The following RAB1A variants were observed in gnomAD, a reference collection of about 807,000 sequenced individuals.
RAB1A encodes ras-related protein Rab-1A.
In RAB1A, 2 loss-of-function variants were observed where a neutral mutation model predicts 26.0. That is an observed-to-expected ratio of 0.08 (90% confidence interval 0.03 to 0.24). The LOEUF (loss-of-function observed/expected upper bound fraction) is 0.24. Ranked by LOEUF, RAB1A falls within the 10% of genes least tolerant of loss-of-function variation. The pLI, the probability that RAB1A is intolerant of heterozygous loss-of-function variation, is 1.00. For synonymous variants in RAB1A, 84 were observed against 84.9 expected (o/e 0.99, Z 0.06); for missense variants, 100 against 247.0 (o/e 0.40, Z 3.99).
chr2:65,129,924 A>AGCTGCC lies in RAB1A; in HGVS notation c.-15_-10dup, dbSNP rs1558591660. ...GGATTCATGCTGGACATGTCACTGC[A>AGCTGCC]GCTGCCGCCGCCGCCACCGCCGCCC... On this transcript the variant is annotated 5_prime_UTR_variant, in exon 1 of 6. Transcript: ENST00000409784. 1.3e-6 allele frequency: 2 copies of AGCTGCC among 1,586,476 alleles called. No homozygotes were observed. Among genetic ancestry groups the AGCTGCC allele is most frequent in the African/African-American group, 1.4e-5 (1 of 73,584 alleles).
chr2:65,100,377 G>A (rs1477719939), intron 2 of RAB1A, among the ~76,000 whole-genome samples: 2 of 144,398 alleles, frequency 1.4e-5, no homozygotes, highest in East Asian at 4.0e-4. Context: ...CTCCAGCCCA[G>A]GCGACAAGGC....
intron 3 of RAB1A, among the ~76,000 whole-genome samples, chr2:65,095,941 C>A (rs1669272649): frequency 6.6e-6 from 1 of 152,024 alleles, no homozygotes; most frequent in Non-Finnish European, 1.5e-5. Flanking sequence ...ATCACGAGGT[C>A]AGGAGTTCGA....
chr2:65,117,101 T>C (rs12467928), intron 1 of RAB1A, among the ~76,000 whole-genome samples: 2 of 143,730 alleles, frequency 1.4e-5, no homozygotes, highest in South Asian at 4.9e-4. Context: ...GGTCTTGCTA[T>C]GTCACCCAGG....
chr2:65,094,694 TAAGA>T (rs1669245352), intron 3 of RAB1A, among the ~76,000 whole-genome samples: 1 of 151,938 alleles, frequency 6.6e-6, no homozygotes. Flanking sequence ...TGATTAATAA[TAAGA>T]AAGGGCCATG....
intron 1 of RAB1A, among the ~76,000 whole-genome samples, chr2:65,119,718 A>C (rs1221135875): frequency 2.6e-5 from 4 of 151,452 alleles, no homozygotes; most frequent in Non-Finnish European, 4.4e-5. Context: ...GTAGAGAATA[A>C]GCTCAGCCTG....
In RAB1A at chr2:65,088,458, A is replaced by G. The variant is rs750059070; in HGVS notation, c.*35T>C. On this transcript the variant is annotated 3_prime_UTR_variant, in exon 6 of 6. Transcript: ENST00000409784. Reference sequence around the variant, plus strand: ...TTTTTTCACTTGGGTTCAGATTGCAAATTCATTGCTGTGAGAAAAGGATGG... The same window carrying G: ...TTTTTTCACTTGGGTTCAGATTGCAGATTCATTGCTGTGAGAAAAGGATGG... 48 of 1,553,760 alleles carry G rather than the reference A, an allele frequency of 3.1e-5. No individual in the cohort carries two copies. Among genetic ancestry groups the G allele is most frequent in the Non-Finnish European group, 4.2e-5 (48 of 1,148,392 alleles).
intron 3 of RAB1A, among the ~76,000 whole-genome samples, chr2:65,094,637 C>A (rs1453737448): frequency 3.3e-5 from 5 of 150,872 alleles, no homozygotes; most frequent in African/African-American, 1.2e-4. Context: ...AACCTTAAGA[C>A]CCAAACTAGA....
At chr2:65,096,397 C>G (rs1669285609) in intron 3 of RAB1A, among the ~76,000 whole-genome samples, 1 of 152,072 alleles carries the variant, frequency 6.6e-6, no homozygotes, top group East Asian at 1.9e-4. Context: ...AGATGAAAGA[C>G]AGACAAAGAT....
chr2:65,112,907 G>A (rs1439849679), intron 1 of RAB1A, among the ~76,000 whole-genome samples: 2 of 152,190 alleles, frequency 1.3e-5, no homozygotes, highest in African/African-American at 4.8e-5. Context: ...TTTGCATGAA[G>A]TTAAATGACT....
chr2:65,125,422 T>C (rs987247373), intron 1 of RAB1A, among the ~76,000 whole-genome samples: 1 of 148,496 alleles, frequency 6.7e-6, no homozygotes, highest in Admixed American at 6.7e-5. Context: ...AGTATTTCTT[T>C]CTTTTTTTTT....
intron 4 of RAB1A, among the ~76,000 whole-genome samples, chr2:65,089,739 G>A (rs1280770382): frequency 7.3e-6 from 1 of 137,516 alleles, no homozygotes; most frequent in African/African-American, 2.8e-5. Context: ...GTCTTGTTCT[G>A]TCATCCAGGC....
At chr2:65,128,288 T>C (rs1443798045) in intron 1 of RAB1A, among the ~76,000 whole-genome samples, 1 of 152,192 alleles carries the variant, frequency 6.6e-6, no homozygotes, top group Non-Finnish European at 1.5e-5. Context: ...TTATTTACAC[T>C]AATAAACATA....
chr2:65,089,802 A>T (rs1276137695), intron 4 of RAB1A, among the ~76,000 whole-genome samples: 1 of 150,968 alleles, frequency 6.6e-6, no homozygotes, highest in Non-Finnish European at 1.5e-5. Flanking sequence ...CGCTGGGTTC[A>T]AGCGATTCTC....
At chr2:65,103,411 G>A (rs1218702928) in intron 2 of RAB1A, among the ~76,000 whole-genome samples, 1 of 148,750 alleles carries the variant, frequency 6.7e-6, no homozygotes, top group Non-Finnish European at 1.5e-5. Flanking sequence ...TAACTGTTTT[G>A]TCAAGGACAA....
At chr2:65,098,656 C>T (rs948459434) in intron 2 of RAB1A, among the ~76,000 whole-genome samples, 3 of 152,048 alleles carry the variant, frequency 2.0e-5, no homozygotes, top group African/African-American at 7.2e-5. Context: ...ATTTTCTTCA[C>T]TCCAGAAAGA....
At chr2:65,114,713 C>G (rs1020287814) in intron 1 of RAB1A, among the ~76,000 whole-genome samples, 1 of 152,010 alleles carries the variant, frequency 6.6e-6, no homozygotes, top group South Asian at 2.1e-4. Flanking sequence ...GGCGCGGTGG[C>G]GGGCGCCTGT....
At chr2:65,103,772 G>GT (rs554204970) in intron 2 of RAB1A, among the ~76,000 whole-genome samples, 1 of 151,412 alleles carries the variant, frequency 6.6e-6, no homozygotes. Context: ...ATGCTAATTT[G>GT]TTTTTTTATT....
At chr2:65,105,562 T>C (rs1558581236) in intron 1 of RAB1A, among the ~76,000 whole-genome samples, 1 of 139,934 alleles carries the variant, frequency 7.1e-6, no homozygotes, top group African/African-American at 2.8e-5. Context: ...AATAATTTCA[T>C]AGCACTCCTC....
Position 65,088,569 on chromosome 2 carries a change from G to T in RAB1A, c.542C>A (p.Thr181Lys), listed in dbSNP as rs376284253. ...EIKKRMGPGA[T>K]AGGAEKSNVK... ...ATTGGACTTCTCAGCACCACCAGCT[G>T]TTGCTCCGGGACCCATTCGCTTTTT... is the stretch of plus-strand genomic sequence containing the variant. The change falls in exon 6 of 6, where the codon ACA becomes AAA. Residue 181 changes from threonine to lysine, a missense_variant. Physicochemically the swap from Thr to Lys is moderately conservative, Grantham distance 78 (BLOSUM62 -1). This residue lies in a region of RAB1A where 67 missense variants were observed against 122.9 expected (regional missense o/e 0.55). Coordinates refer to ENST00000409784, the MANE Select transcript of RAB1A (RefSeq NM_004161.5). The T allele has an allele frequency of 6.2e-7, 1 of 1,613,616 alleles. No individual in the cohort carries two copies. The highest frequency in any genetic ancestry group is 8.5e-7 in the Non-Finnish European group (1 of 1,179,814).
Sources: gnomAD v4.1 joint callset for allele counts (sites outside exome capture counted in the v4.1 genomes callset) on GRCh38, gnomAD v4.1.1 for gene constraint, gnomAD v4.1.1 regional missense constraint, MANE v1.5 for transcripts, NCBI Gene and HGNC (gene_info 2026-07-23, HGNC 2026-07-21) for gene names.